NEK6: variants seen among roughly 807,000 people sequenced by gnomAD.
The protein encoded by NEK6 is NIMA related kinase 6.
A neutral mutation model predicts 43.5 loss-of-function variants in NEK6; 27 were observed. That is an observed-to-expected ratio of 0.62 (90% CI 0.46 to 0.86). NEK6 has a LOEUF of 0.86. NEK6 is among the 40% of genes least tolerant of loss of function. NEK6 has a pLI of 0.00. For missense variants in NEK6, 318 were observed against 414.4 expected (o/e 0.77, Z 2.02); for synonymous variants, 167 against 164.1 (o/e 1.02, Z -0.14).
In NEK6 at chr9:124,326,316, C is replaced by T. The variant is rs1834334632; in HGVS notation, c.406-14C>T. On this transcript the variant is annotated splice_polypyrimidine_tract_variant and intron_variant, in intron 5 of 9. Coordinates refer to ENST00000320246, the MANE Select transcript of NEK6 (RefSeq NM_014397.6). The surrounding 1 kb of genome is among the most constrained non-coding windows in gnomAD (Gnocchi z 4.5). ...CACCCGGGCCTATCCCTCTGCTTGTCTCCCCCACTGCAGTACTTTAAGAAG... is the reference window on the plus strand; with the variant it reads ...CACCCGGGCCTATCCCTCTGCTTGTTTCCCCCACTGCAGTACTTTAAGAAG... The T allele has an allele frequency of 1.3e-6, 2 of 1,596,890 alleles. No individual in the cohort carries two copies. The highest frequency in any genetic ancestry group is 4.5e-5 in the East Asian group (2 of 44,720).
chr9:124,348,069 T>C (rs1433869106), intron 9 of NEK6, among the ~76,000 whole-genome samples: 1 of 152,182 alleles, frequency 6.6e-6, no homozygotes. Flanking sequence ...CCTTGGCACA[T>C]CTCCACCTGT....
intron 7 of NEK6, among the ~76,000 whole-genome samples, chr9:124,329,597 T>C (rs1306294924): frequency 6.6e-6 from 1 of 152,160 alleles, no homozygotes; most frequent in Non-Finnish European, 1.5e-5. Context: ...CTGTCCCCAC[T>C]CCGGGCTCTG....
intron 9 of NEK6, 75 bp from the exon 10 acceptor site, chr9:124,350,762 G>GCAGA (rs1484203577): frequency 9.7e-7 from 1 of 1,027,216 alleles, no homozygotes; most frequent in South Asian, 1.3e-5. Context: ...GTGCCTTCAT[G>GCAGA]CAGACAGACT....
At chr9:124,346,100 G>T (rs73666868) in intron 8 of NEK6, among the ~76,000 whole-genome samples, 1 of 152,182 alleles carries the variant, frequency 6.6e-6, no homozygotes, top group Non-Finnish European at 1.5e-5. Context: ...GAAGACAGAG[G>T]TGATGCTGTC....
intron 7 of NEK6, among the ~76,000 whole-genome samples, chr9:124,330,270 C>A (rs1378186440): frequency 3.9e-5 from 6 of 152,226 alleles, no homozygotes; most frequent in African/African-American, 1.4e-4. Flanking sequence ...TCATATTTGT[C>A]AGGAAGGATT....
chr9:124,348,520 T>C (rs192433526), intron 9 of NEK6, among the ~76,000 whole-genome samples: 2 of 152,334 alleles, frequency 1.3e-5, no homozygotes, highest in South Asian at 4.1e-4. Flanking sequence ...GTTCACACAC[T>C]CTCTGCACTG....
At chr9:124,314,225 C>A (rs915829219) in intron 4 of NEK6, among the ~76,000 whole-genome samples, 1 of 152,114 alleles carries the variant, frequency 6.6e-6, no homozygotes, top group South Asian at 2.1e-4. Context: ...TTCCTCCTTG[C>A]TGCACGCCCC....
intron 7 of NEK6, among the ~76,000 whole-genome samples, chr9:124,332,716 C>T (rs974945526): frequency 3.3e-5 from 5 of 152,300 alleles, no homozygotes; most frequent in African/African-American, 1.2e-4. Context: ...CATTTCAAAA[C>T]ACGGCAAAGT....
intron 5 of NEK6, 79 bp downstream of exon 5, chr9:124,321,648 C>T: frequency 1.0e-6 from 1 of 962,142 alleles, no homozygotes; most frequent in South Asian, 1.4e-5. Flanking sequence ...TTAGCCCAGT[C>T]CCACAATGCT....
At chr9:124,291,112 T>C (rs1324863673) in intron 1 of NEK6, among the ~76,000 whole-genome samples, 2 of 152,144 alleles carry the variant, frequency 1.3e-5, no homozygotes, top group African/African-American at 2.4e-5. Flanking sequence ...GGCCCTAAGC[T>C]CTTTCAACTC....
chr9:124,319,071 G>A (rs1326591292), intron 4 of NEK6, among the ~76,000 whole-genome samples: 2 of 151,994 alleles, frequency 1.3e-5, no homozygotes, highest in Non-Finnish European at 1.5e-5. Context: ...TGCAACCTCC[G>A]CCTCCCAGGT....
chr9:124,338,730 G>A lies in NEK6; in HGVS notation c.623-841G>A, dbSNP rs369472727. ...GTTTGAACTAATTCCTGCCACTCTC[G>A]TGCAAACCTCTTCACCCATCTGAGC... On this transcript the variant is annotated intron_variant, in intron 7 of 9. Transcript: ENST00000320246. Among the ~76,000 whole-genome samples the A allele has an allele frequency of 1.3e-3, 192 of 152,284 alleles. 1 individual carries two copies. The highest frequency in any genetic ancestry group is 2.1e-3 in the Non-Finnish European group (141 of 68,036).
At chr9:124,347,108 C>T (rs182978913) in intron 8 of NEK6, among the ~76,000 whole-genome samples, 6 of 152,210 alleles carry the variant, frequency 3.9e-5, no homozygotes, top group African/African-American at 1.2e-4. Flanking sequence ...GCACCTCTAT[C>T]CAGGGGCAGG....
At chr9:124,328,461 C>T (rs866292360) in intron 7 of NEK6, among the ~76,000 whole-genome samples, 1 of 152,164 alleles carries the variant, frequency 6.6e-6, no homozygotes, top group African/African-American at 2.4e-5. Flanking sequence ...AGGCCCACCC[C>T]CTGTGTGCTG....
At chr9:124,341,131 C>T (rs572096433) in intron 8 of NEK6, among the ~76,000 whole-genome samples, 1 of 152,304 alleles carries the variant, frequency 6.6e-6, no homozygotes, top group African/African-American at 2.4e-5. Flanking sequence ...CGGCCTCCAC[C>T]TCCCAGGTTC....
chr9:124,288,473 G>A (rs867655029), intron 1 of NEK6, among the ~76,000 whole-genome samples: 1 of 152,222 alleles, frequency 6.6e-6, no homozygotes, highest in Middle Eastern at 3.4e-3. Context: ...TAGTAAAAAT[G>A]GGGTTTTGCC....
At chr9:124,257,892 GGCGGCGCGGCCCC>G (rs901398874), upstream of NEK6, 8 of 974,532 alleles carry the variant, frequency 8.2e-6, no homozygotes, top group Non-Finnish European at 9.8e-6. Flanking sequence ...GAGCGCTGGG[GGCGGCGCGGCCCC>G]GCGGCGGGGA....
chr9:124,282,240 C>T (rs950821080), intron 1 of NEK6, among the ~76,000 whole-genome samples: 2 of 152,208 alleles, frequency 1.3e-5, no homozygotes, highest in Admixed American at 1.3e-4. Context: ...TTCTGGCAGG[C>T]GCTAGCCACC....
rs1161589601 is a variant in NEK6 at position 124,301,929 on chromosome 9, G to C, written c.-29-7G>C. ...GAAAGTGAACAGGCCGCTGTTTTCT[G>C]TTGCAGTTCGTGCCCTCGTGAGGCT... On this transcript the variant is annotated splice_region_variant and splice_polypyrimidine_tract_variant and intron_variant, in intron 1 of 9. Transcript: ENST00000320246. The C allele has an allele frequency of 6.4e-7, 1 of 1,564,954 alleles. No individual in the cohort carries two copies. The highest frequency in any genetic ancestry group is 1.4e-5 in the African/African-American group (1 of 73,826).
Sources: allele counts gnomAD v4.1 joint callset (sites outside exome capture counted in the v4.1 genomes callset), GRCh38; gene constraint gnomAD v4.1.1; non-coding constraint Gnocchi (gnomAD v3.1); transcripts MANE v1.5; gene names NCBI Gene and HGNC (gene_info 2026-07-23, HGNC 2026-07-21).